VAMP2: variants seen among roughly 807,000 people sequenced by gnomAD.
VAMP2 encodes vesicle associated membrane protein 2, also known as vesicle-associated membrane protein 2.
For synonymous variants in VAMP2, 67 were observed against 57.3 expected, an observed-to-expected ratio of 1.17 and a Z score of -0.76; for missense variants, 95 against 151.3, an observed-to-expected ratio of 0.63 and a Z score of 1.95.
chr17:8,162,798 C>G, intron 1 of VAMP2, 80 bp downstream of exon 1: 1 of 1,217,488 alleles, frequency 8.2e-7, no homozygotes, highest in Non-Finnish European at 1.0e-6. Flanking sequence ...GGAGAGACCC[C>G]GGGCACTCCC....
At chr17:8,162,395 C>G (rs535518861) in intron 1 of VAMP2, 26 bp from the exon 2 acceptor site, 1 of 1,610,848 alleles carries the variant, frequency 6.2e-7, no homozygotes, top group Non-Finnish European at 8.5e-7. Flanking sequence ...GGATTAAGAC[C>G]CAGGGCCTGC....
At chr17:8,162,419 C>T (rs1258447610) in intron 1 of VAMP2, 50 bp from the exon 2 acceptor site, 9 of 1,599,506 alleles carry the variant, frequency 5.6e-6, no homozygotes, top group Non-Finnish European at 6.8e-6. Context: ...CTCCCGGCCC[C>T]GCAGCCAGGG....
At position 8,162,534 on chromosome 17, in the gene VAMP2, C is replaced by A; in HGVS notation, c.3-165G>T. The A allele has an allele frequency of 3.3e-6, 5 of 1,503,418 alleles. No homozygotes were observed. In the East Asian group the frequency reaches 1.3e-4, roughly 39 times the overall value. The allele number at this position is 1,503,418 out of a possible 1,614,324, so 93.1% of individuals were successfully genotyped here. On this transcript the variant is annotated intron_variant, in intron 1 of 4. Coordinates refer to ENST00000316509, the MANE Select transcript of VAMP2 (RefSeq NM_014232.3). Reference sequence around the variant, plus strand: ...TCGGTCCAGCCCTGCCGCCGATGAGCTGCGTGACCTTGAGCGAGGCCCCCC... The same window carrying A: ...TCGGTCCAGCCCTGCCGCCGATGAGATGCGTGACCTTGAGCGAGGCCCCCC...
At position 8,162,384 on chromosome 17, in the gene VAMP2, C is replaced by G. The variant is rs567931709; in HGVS notation, c.3-15G>C. ...CGGTAGCAGACCTGAGGAGCAGGGA[C>G]GGATTAAGACCCAGGGCCTGCAGCC... On this transcript the variant is annotated splice_polypyrimidine_tract_variant and intron_variant, in intron 1 of 4. Transcript: ENST00000316509. 9.3e-6 allele frequency: 15 copies of G among 1,610,872 alleles called. No homozygotes were observed. The African/African-American group carries it at 2.0e-4, about 22-fold the overall frequency.
chr17:8,161,596 C>T lies in VAMP2; in HGVS notation c.282+12G>A, dbSNP rs762655317. ...TTCACCCACCTGTCCTCCTTCCTGT[C>T]CCCACCCTTACCTTGAGGTTTTTCC... On this transcript the variant is annotated intron_variant, in intron 3 of 4. Coordinates refer to ENST00000316509, the MANE Select transcript of VAMP2 (RefSeq NM_014232.3). 3.1e-6 allele frequency: 5 copies of T among 1,614,098 alleles called. No individual in the cohort carries two copies. Among genetic ancestry groups the T allele is most frequent in the Non-Finnish European group, 4.2e-6 (5 of 1,179,934 alleles).
Position 8,161,513 on chromosome 17 carries a change from G to T in VAMP2, c.294C>A (p.Ile98=). 6.2e-7 allele frequency: 1 copy of T among 1,614,158 alleles called. No homozygotes were observed. The highest frequency in any genetic ancestry group is 1.7e-5 in the Admixed American group (1 of 60,024). Residue 98 remains isoleucine, a synonymous_variant, in exon 4 of 5, where the codon ATC becomes ATA. Transcript: ENST00000316509. The part of the protein sequence containing the change: ...YWWKNLKMMI[I]LGVICAIILI... ...GGATGATGGCGCAAATCACTCCCAA[G>T]ATGATCATCATCTGGGGGTGAGAGG...
intron 2 of VAMP2, among the ~76,000 whole-genome samples, 153 bp downstream of exon 2, chr17:8,162,096 C>A (rs1291613935): frequency 6.6e-6 from 1 of 152,182 alleles, no homozygotes; most frequent in Non-Finnish European, 1.5e-5. Context: ...CTTCCAAGTG[C>A]GTGCTGACAG....
rs1935494909 is a variant in VAMP2 at position 8,160,807 on chromosome 17, G to GC, written c.*47_*48insG. The GC allele has an allele frequency of 6.2e-7, 1 of 1,600,160 alleles. No individual in the cohort carries two copies. On this transcript the variant is annotated 3_prime_UTR_variant, in exon 5 of 5. Coordinates refer to ENST00000316509, the MANE Select transcript of VAMP2 (RefSeq NM_014232.3). ...GGCTGAGAGGTGGAGGAACGGCTGA[G>GC]GGTTGGGGGAGAGGCCCTTCTCTAG...
At chr17:8,162,007 C>T (rs1485136349) in intron 2 of VAMP2, among the ~76,000 whole-genome samples, 1 of 152,182 alleles carries the variant, frequency 6.6e-6, no homozygotes, top group Non-Finnish European at 1.5e-5. Flanking sequence ...GAACCTCAGG[C>T]GCTCTGTCCA....
At position 8,159,171 on chromosome 17, in the gene VAMP2, T is replaced by C. The variant is rs1983212464; in HGVS notation, c.*1684A>G. 1 of 150,168 alleles carries C rather than the reference T, an allele frequency of 6.7e-6. No individual in the cohort carries two copies. The allele number at this position is 150,168 out of a possible 1,614,324, so 9.3% of individuals were successfully genotyped here. On this transcript the variant is annotated 3_prime_UTR_variant, in exon 5 of 5. Coordinates refer to ENST00000316509, the MANE Select transcript of VAMP2 (RefSeq NM_014232.3). Reference sequence around the variant, plus strand: ...ACCTGGTTACTCATTACACATTTATTGTACATTTTCACAATCTGGATGCGC... The same window carrying C: ...ACCTGGTTACTCATTACACATTTATCGTACATTTTCACAATCTGGATGCGC...
At position 8,162,237 on chromosome 17, in the gene VAMP2, C is replaced by T; in HGVS notation, c.123+12G>A. The T allele has an allele frequency of 6.5e-7, 1 of 1,531,382 alleles. No individual in the cohort carries two copies. The allele number at this position is 1,531,382 out of a possible 1,614,324, so 94.9% of individuals were successfully genotyped here. A position where few individuals can be genotyped will look rare whatever the true frequency, so the allele number is the denominator to read the frequency against. On this transcript the variant is annotated intron_variant, in intron 2 of 4. Coordinates refer to ENST00000316509, the MANE Select transcript of VAMP2 (RefSeq NM_014232.3). ...GGTCCCTCCTACTGCTTTTGACTCC[C>T]CCCACACTCACCTCATCCACCTGGG...
At chr17:8,161,545 T>G (rs780810599) in intron 3 of VAMP2, 21 bp from the exon 4 acceptor site, 1 of 1,614,062 alleles carries the variant, frequency 6.2e-7, no homozygotes, top group South Asian at 1.1e-5. Flanking sequence ...GAGGCGAGGA[T>G]CAGTAAGACA....
chr17:8,161,449 C>G, intron 4 of VAMP2, 24 bp downstream of exon 4: 1 of 1,613,740 alleles, frequency 6.2e-7, no homozygotes, highest in Non-Finnish European at 8.5e-7. Context: ...GGGAAAGGGC[C>G]CCGGCCATTC....
intron 1 of VAMP2, chr17:8,162,648 G>A: frequency 7.2e-7 from 1 of 1,395,528 alleles, no homozygotes; most frequent in Non-Finnish European, 9.2e-7. Context: ...GCGGTGACAG[G>A]GGCGGGGAGG....
rs1983266801 is a variant in VAMP2, at chr17:8,160,390, T to TTTTTTGTTTTTG, written c.*464_*465insCAAAAACAAAAA. The TTTTTTGTTTTTG allele has an allele frequency of 7.8e-6, 1 of 128,382 alleles. No individual in the cohort carries two copies. Among genetic ancestry groups the TTTTTTGTTTTTG allele is most frequent in the Non-Finnish European group, 1.7e-5 (1 of 60,192 alleles). The allele number at this position is 128,382 out of a possible 1,614,324, so 8.0% of individuals were successfully genotyped here. ...TGGACAGGTGCTGTTGTTTTTTTTT[T>TTTTTTGTTTTTG]TTTTTTTTTTTTTTTGAGGGCGGGG... On this transcript the variant is annotated 3_prime_UTR_variant, in exon 5 of 5. Transcript: ENST00000316509.
chr17:8,162,145 C>G, intron 2 of VAMP2, 104 bp downstream of exon 2: 1 of 1,467,530 alleles, frequency 6.8e-7, no homozygotes, highest in Non-Finnish European at 9.0e-7. Flanking sequence ...GTCCGCAAAC[C>G]CACAGGCGTG....
At chr17:8,162,511 G>C (rs1983348054) in intron 1 of VAMP2, 142 bp from the exon 2 acceptor site, 1 of 1,529,464 alleles carries the variant, frequency 6.5e-7, no homozygotes, top group Non-Finnish European at 8.8e-7. Flanking sequence ...CCCTGGTCTC[G>C]GTCCAGCCCT....
intron 4 of VAMP2, 57 bp from the exon 5 acceptor site, chr17:8,160,928 A>C (rs762394236): frequency 6.3e-5 from 89 of 1,420,758 alleles, no homozygotes; most frequent in Non-Finnish European, 7.9e-5. Context: ...AAGAGAGAGA[A>C]CAAGAAAGCA....
chr17:8,160,321 C>T lies in VAMP2; in HGVS notation c.*534G>A, dbSNP rs971272721. On this transcript the variant is annotated 3_prime_UTR_variant, in exon 5 of 5. Coordinates refer to ENST00000316509, the MANE Select transcript of VAMP2 (RefSeq NM_014232.3). ...TCTTAGGACCAAGTGGGGCCAGTCT[C>T]AGAGCCTCCCAATGGATACAAAGAA... is the stretch of plus-strand genomic sequence containing the variant. 6.9e-6 allele frequency: 1 copy of T among 145,598 alleles called. No homozygotes were observed. The highest frequency in any genetic ancestry group is 1.5e-5 in the Non-Finnish European group (1 of 66,986). The allele number at this position is 145,598 out of a possible 1,614,324, so 9.0% of individuals were successfully genotyped here.
Sources: gnomAD v4.1 joint callset for allele counts (sites outside exome capture counted in the v4.1 genomes callset) on GRCh38, gnomAD v4.1.1 for gene constraint, MANE v1.5 for transcripts, NCBI Gene and HGNC (gene_info 2026-07-23, HGNC 2026-07-21) for gene names.